ACAP2: variants seen among roughly 807,000 people sequenced by gnomAD.
ACAP2 encodes arf-GAP with coiled-coil, ANK repeat and PH domain-containing protein 2.
ACAP2 carries 39 observed loss-of-function variants against 115.8 expected under a neutral mutation model. The ratio of observed to expected loss-of-function variants is 0.34; its 90% CI spans 0.26 to 0.44. The LOEUF (loss-of-function observed/expected upper bound fraction) is 0.44. Ranked by LOEUF, ACAP2 falls within the 20% of genes least tolerant of loss-of-function variation. The pLI is 1.00. For missense variants in ACAP2, 662 were observed against 927.6 expected, an observed-to-expected ratio of 0.71 and a Z score of 3.72; for synonymous variants, 289 against 315.8, an observed-to-expected ratio of 0.92 and a Z score of 0.90.
intron 1 of ACAP2, among the ~76,000 whole-genome samples, chr3:195,396,793 G>GAAAAAAA (rs62983860): frequency 0.034 from 3,080 of 91,418 alleles, 4 homozygotes; most frequent in Middle Eastern, 0.045. Context: ...TCTCAAAAAA[G>GAAAAAAA]AAAAAAAAAA....
chr3:195,316,967 G>A (rs919659275), intron 10 of ACAP2, among the ~76,000 whole-genome samples: 4 of 139,748 alleles, frequency 2.9e-5, no homozygotes, highest in South Asian at 2.3e-4. Context: ...GTGCAATCTC[G>A]GCTCACTGCA....
At position 195,392,243 on chromosome 3, in the gene ACAP2, C is replaced by CT. The variant is rs1438447907; in HGVS notation, c.54-97dup. On this transcript the variant is annotated intron_variant, in intron 1 of 22. Transcript: ENST00000326793. ...CTAAATGAAAAGATAGATATGAATG[C>CT]TTAAAAATTACACTTCACATGAAGT... 4.1e-6 allele frequency: 4 copies of CT among 971,000 alleles called. No homozygotes were observed. The African/African-American group carries it at 6.7e-5, about 16-fold the overall frequency. 60.1% of individuals were successfully genotyped at this position (971,000 alleles called of 1,614,324 possible). A position where few individuals can be genotyped will look rare whatever the true frequency, so the allele number is the denominator to read the frequency against.
chr3:195,419,712 T>C (rs1994881), intron 1 of ACAP2, among the ~76,000 whole-genome samples: 42,049 of 152,080 alleles, frequency 0.28, 6,566 homozygotes, highest in East Asian at 0.71. Context: ...CATTACTCCA[T>C]CTAAAATTTA....
chr3:195,299,682 CA>C (rs1727900255), intron 15 of ACAP2, among the ~76,000 whole-genome samples: 1 of 151,942 alleles, frequency 6.6e-6, no homozygotes. Flanking sequence ...ACTAAAAATA[CA>C]AAAAATTAGC....
At chr3:195,401,764 G>C in intron 1 of ACAP2, among the ~76,000 whole-genome samples, 1 of 152,092 alleles carries the variant, frequency 6.6e-6, no homozygotes, top group Non-Finnish European at 1.5e-5. Context: ...TCTTGAATGG[G>C]GAGAAAACTT....
intron 4 of ACAP2, among the ~76,000 whole-genome samples, chr3:195,351,449 TG>T (rs1731589338): frequency 1.5e-5 from 1 of 68,924 alleles, no homozygotes; most frequent in East Asian, 3.4e-3. Context: ...TTCGTGTGTG[TG>T]TGTGTGTGTG....
intron 18 of ACAP2, among the ~76,000 whole-genome samples, chr3:195,293,362 G>C (rs1346626052): frequency 6.6e-6 from 1 of 152,204 alleles, no homozygotes; most frequent in Non-Finnish European, 1.5e-5. Context: ...AATCATGGAG[G>C]AGGGGACAAG....
intron 6 of ACAP2, among the ~76,000 whole-genome samples, chr3:195,340,894 A>C (rs1159916720): frequency 6.6e-6 from 1 of 152,188 alleles, no homozygotes; most frequent in Non-Finnish European, 1.5e-5. Context: ...CATCTTAAAA[A>C]TTTAACTTCC....
intron 4 of ACAP2, among the ~76,000 whole-genome samples, chr3:195,366,072 C>T (rs1732701516): frequency 6.6e-6 from 1 of 152,100 alleles, no homozygotes; most frequent in African/African-American, 2.4e-5. Context: ...GAACTCCTGA[C>T]CTCAAGTGAT....
intron 1 of ACAP2, among the ~76,000 whole-genome samples, chr3:195,438,933 C>T (rs752340980): frequency 2.6e-5 from 4 of 151,784 alleles, no homozygotes; most frequent in Non-Finnish European, 4.4e-5. Context: ...TGGAGGTGCA[C>T]GCCTATAATC....
chr3:195,378,078 G>C (rs1159486687), intron 4 of ACAP2, among the ~76,000 whole-genome samples: 1 of 147,642 alleles, frequency 6.8e-6, no homozygotes, highest in African/African-American at 2.7e-5. Flanking sequence ...GAGGGAGGAA[G>C]GGAGGAAGGG....
chr3:195,434,407 T>G (rs972616341), intron 1 of ACAP2, among the ~76,000 whole-genome samples: 3 of 152,088 alleles, frequency 2.0e-5, no homozygotes, highest in African/African-American at 7.2e-5. Context: ...TAATTTTTTT[T>G]GTTTGATTTG....
intron 6 of ACAP2, among the ~76,000 whole-genome samples, chr3:195,342,093 A>G (rs930410661): frequency 1.3e-5 from 2 of 152,212 alleles, no homozygotes; most frequent in Non-Finnish European, 2.9e-5. Flanking sequence ...CTTCACCACT[A>G]TGCAATTCAC....
At chr3:195,283,289 G>A (rs1169433705) in intron 22 of ACAP2, among the ~76,000 whole-genome samples, 1 of 151,960 alleles carries the variant, frequency 6.6e-6, no homozygotes, top group African/African-American at 2.4e-5. Flanking sequence ...ACCTTCTTTT[G>A]AAGAAAACGT....
At chr3:195,386,627 C>T (rs1734322055) in intron 2 of ACAP2, among the ~76,000 whole-genome samples, 1 of 151,996 alleles carries the variant, frequency 6.6e-6, no homozygotes, top group Non-Finnish European at 1.5e-5. Flanking sequence ...GAACATTACA[C>T]AGCGGAGCCT....
intron 1 of ACAP2, among the ~76,000 whole-genome samples, chr3:195,435,318 G>A (rs973670266): frequency 4.7e-5 from 7 of 150,332 alleles, no homozygotes; most frequent in Admixed American, 1.3e-4. Context: ...GGGATTACAG[G>A]TGTGTGCCAC....
At chr3:195,412,998 G>A (rs1237109423) in intron 1 of ACAP2, 3 of 415,426 alleles carry the variant, frequency 7.2e-6, no homozygotes, top group African/African-American at 4.1e-5. Flanking sequence ...AAGAAAAGCA[G>A]GATAAGAGGA....
rs1361597121 is a variant in ACAP2 at position 195,276,480 on chromosome 3, T to A, written c.*2848A>T. ...CTAGCTCTAACATGAAATTGCATTT[T>A]ATTAACTCTTCATAGTGCTGCTATT... On this transcript the variant is annotated 3_prime_UTR_variant, in exon 23 of 23. Transcript: ENST00000326793. 6.6e-6 allele frequency: 1 copy of A among 152,238 alleles called. No individual in the cohort carries two copies. The highest frequency in any genetic ancestry group is 1.5e-5 in the Non-Finnish European group (1 of 68,032). 9.4% of individuals were successfully genotyped at this position (152,238 alleles called of 1,614,324 possible). A position where few individuals can be genotyped will look rare whatever the true frequency, so the allele number is the denominator to read the frequency against.
chr3:195,302,729 GT>G (rs1728145408), intron 13 of ACAP2, among the ~76,000 whole-genome samples: 1 of 152,112 alleles, frequency 6.6e-6, no homozygotes, highest in South Asian at 2.1e-4. Flanking sequence ...AACATACAAT[GT>G]TTAAAACTTC....
Sources: allele counts gnomAD v4.1 joint callset (sites outside exome capture counted in the v4.1 genomes callset), GRCh38; gene constraint gnomAD v4.1.1; transcripts MANE v1.5; gene names NCBI Gene and HGNC (gene_info 2026-07-23, HGNC 2026-07-21).